The following BRDT variants were observed in gnomAD, a reference collection of about 807,000 sequenced individuals.
The protein encoded by BRDT is bromodomain testis associated.
BRDT carries 77 observed loss-of-function variants against 113.9 expected under a neutral mutation model. The observed-to-expected ratio is 0.68, with a 90% confidence interval of 0.56 to 0.82. BRDT has a LOEUF of 0.82. BRDT is among the 40% of genes least tolerant of loss of function. BRDT has a pLI of 0.00. For missense variants in BRDT, 1,027 were observed against 1,105.4 expected (o/e 0.93, Z 1.01); for synonymous variants, 358 against 366.5 (o/e 0.98, Z 0.26).
intron 18 of BRDT, among the ~76,000 whole-genome samples, chr1:92,006,699 C>G (rs1687341133): frequency 6.6e-6 from 1 of 152,132 alleles, no homozygotes. Context: ...AACTCCTGAC[C>G]TTAGGCAATC....
intron 4 of BRDT, 95 bp downstream of exon 4, chr1:91,968,355 C>A: frequency 6.8e-7 from 1 of 1,473,834 alleles, no homozygotes; most frequent in South Asian, 1.4e-5. Flanking sequence ...GACAGACATC[C>A]AGAAGTCCTA....
At chr1:91,993,470 G>T (rs1268692977) in intron 14 of BRDT, among the ~76,000 whole-genome samples, 5 of 152,178 alleles carry the variant, frequency 3.3e-5, no homozygotes, top group Non-Finnish European at 5.9e-5. Context: ...GCATTATTGT[G>T]AGAATTAAAG....
Position 91,980,936 on chromosome 1 carries a change from A to G in BRDT, c.1508A>G (p.Asp503Gly). 1 of 1,612,756 alleles carries G rather than the reference A, an allele frequency of 6.2e-7. No homozygotes were observed. Among genetic ancestry groups the G allele is most frequent in the Non-Finnish European group, 8.5e-7 (1 of 1,179,730 alleles). ...CAGTTCATTGGTCTAAAATCTGAAG[A>G]TGAAGATAATGCTAAACCTATGAAC... ...KQQFIGLKSEDEDNAKPMNYD... is the reference protein window; with the variant it reads ...KQQFIGLKSEGEDNAKPMNYD... The change falls in exon 10 of 19, where the codon GAT (aspartate) becomes GGT (glycine). Residue 503 changes from aspartate to glycine, a missense_variant. Coordinates refer to ENST00000399546, the MANE Select transcript of BRDT (RefSeq NM_207189.4).
At chr1:91,975,611 T>G (rs1684060757) in intron 4 of BRDT, among the ~76,000 whole-genome samples, 1 of 152,138 alleles carries the variant, frequency 6.6e-6, no homozygotes, top group South Asian at 2.1e-4. Flanking sequence ...GCGGGTTGGA[T>G]ATGGAGTTTG....
At chr1:91,966,393 G>C (rs966581960) in intron 3 of BRDT, among the ~76,000 whole-genome samples, 1 of 152,098 alleles carries the variant, frequency 6.6e-6, no homozygotes, top group Non-Finnish European at 1.5e-5. Context: ...AAAACTATTA[G>C]CCAATGCGAA....
chr1:91,979,291 T>G lies in BRDT; in HGVS notation c.1099-278T>G, dbSNP rs147765568. The stretch of plus-strand genomic sequence containing the variant: ...ACCACACGGGACTAATTTTGTATTT[T>G]TAGCAGAGACGGGGTTTCTCCATGT... On this transcript the variant is annotated intron_variant, in intron 7 of 18. Coordinates refer to ENST00000399546, the MANE Select transcript of BRDT (RefSeq NM_207189.4). Among the ~76,000 whole-genome samples, 935 of 151,984 alleles carry G rather than the reference T, an allele frequency of 6.2e-3. 28 individuals are homozygous for G. The highest frequency in any genetic ancestry group is 0.051 in the Admixed American group (776 of 15,268).
chr1:91,994,580 G>A (rs1292130897), intron 15 of BRDT, among the ~76,000 whole-genome samples: 1 of 152,122 alleles, frequency 6.6e-6, no homozygotes, highest in East Asian at 1.9e-4. Context: ...GAAAGAATAA[G>A]GGAGGGCCGG....
intron 2 of BRDT, among the ~76,000 whole-genome samples, chr1:91,964,352 T>C (rs1443157069): frequency 6.6e-6 from 1 of 152,148 alleles, no homozygotes; most frequent in African/African-American, 2.4e-5. Context: ...TGAGCCACCA[T>C]GCCCGGCCAA....
chr1:91,981,703 T>G lies in BRDT; in HGVS notation c.1950T>G (p.Ser650=). The G allele has an allele frequency of 2.5e-6, 4 of 1,614,180 alleles. No homozygotes were observed. The highest frequency in any genetic ancestry group is 3.4e-6 in the Non-Finnish European group (4 of 1,180,026). Residue 650 remains serine, a synonymous_variant, in exon 12 of 19, where the codon TCT becomes TCG. Transcript: ENST00000399546. ...SSSSSSSSSE[S]ESSSSDLSSS... ...GCAGCAGCAGCAGCTCATCAGAGTC[T>G]GAAAGTAGCAGCAGTGACTTAAGCT...
At chr1:92,014,085 A>C in intron 18 of BRDT, 121 bp from the exon 19 acceptor site, 1 of 634,846 alleles carries the variant, frequency 1.6e-6, no homozygotes, top group African/African-American at 1.9e-5. Flanking sequence ...AAAATTAAAA[A>C]ATTATTGAAT....
At chr1:92,007,902 TTC>T (rs1160299857) in intron 18 of BRDT, among the ~76,000 whole-genome samples, 6 of 150,230 alleles carry the variant, frequency 4.0e-5, no homozygotes, top group Non-Finnish European at 8.8e-5. Flanking sequence ...TATTTATTCA[TTC>T]ATTCATTCAT....
At chr1:91,997,200 T>C (rs1379732442) in intron 15 of BRDT, among the ~76,000 whole-genome samples, 1 of 152,096 alleles carries the variant, frequency 6.6e-6, no homozygotes, top group South Asian at 2.1e-4. Flanking sequence ...GAGCATTACA[T>C]TGGGAATGTG....
chr1:91,991,485 A>G (rs184124841), intron 13 of BRDT, among the ~76,000 whole-genome samples: 10 of 152,332 alleles, frequency 6.6e-5, no homozygotes, highest in Admixed American at 6.5e-4. Flanking sequence ...AAGTAGAACA[A>G]ATTCTAGAAG....
intron 8 of BRDT, 34 bp downstream of exon 8, chr1:91,979,791 C>A: frequency 6.4e-7 from 1 of 1,554,288 alleles, no homozygotes; most frequent in Non-Finnish European, 8.7e-7. Flanking sequence ...TTTTGATAAT[C>A]TATGAGCTGC....
At chr1:91,998,235 C>A (rs1159777840) in intron 15 of BRDT, among the ~76,000 whole-genome samples, 3 of 152,062 alleles carry the variant, frequency 2.0e-5, no homozygotes, top group Non-Finnish European at 4.4e-5. Flanking sequence ...AAACCATCAT[C>A]CTCAGCAAAC....
chr1:92,000,585 A>C (rs1686748296), intron 15 of BRDT, among the ~76,000 whole-genome samples: 1 of 152,174 alleles, frequency 6.6e-6, no homozygotes, highest in South Asian at 2.1e-4. Context: ...GGATTGATGG[A>C]TGGTAGAAGC....
At chr1:91,973,969 A>G (rs188076229) in intron 4 of BRDT, among the ~76,000 whole-genome samples, 257 of 152,328 alleles carry the variant, frequency 1.7e-3, no homozygotes, top group Non-Finnish European at 2.8e-3. Flanking sequence ...CAGAGCCCTC[A>G]GAAATAATAC....
rs768433497 is a variant in BRDT at position 92,004,541 on chromosome 1, A to G, written c.2516A>G (p.Lys839Arg). The stretch of plus-strand genomic sequence containing the variant: ...AAAGCAGCCATAGAAAAGGAAGTAA[A>G]AGCTCGGACACAGGAACTCATACGG... ...FRKAAIEKEV[K>R]ARTQELIRKH... The change falls in exon 17 of 19, where the codon AAA becomes AGA. Residue 839 changes from lysine to arginine, a missense_variant. By Grantham distance (26) the Lys-to-Arg change is conservative. Transcript: ENST00000399546. 1.3e-5 allele frequency: 21 copies of G among 1,613,394 alleles called. No individual in the cohort carries two copies. The East Asian group carries it at 2.2e-4, about 17-fold the overall frequency.
chr1:91,979,623 C>T lies in BRDT; in HGVS notation c.1153C>T (p.Pro385Ser). Residue 385 changes from proline to serine, a missense_variant, in exon 8 of 19, where the codon CCT (proline) becomes TCT (serine). Transcript: ENST00000399546. ...CCCGATTGAACCTGTTGAGAGTATG[C>T]CTTTATGTTACATCAAAACAGATAT... ...KIPIEPVESM[P>S]LCYIKTDITE... 6.2e-7 allele frequency: 1 copy of T among 1,613,710 alleles called. No homozygotes were observed.
Sources: gnomAD v4.1 joint callset for allele counts (sites outside exome capture counted in the v4.1 genomes callset) on GRCh38, gnomAD v4.1.1 for gene constraint, MANE v1.5 for transcripts, NCBI Gene and HGNC (gene_info 2026-07-23, HGNC 2026-07-21) for gene names.